FAM168A: variants seen among roughly 807,000 people sequenced by gnomAD.
The protein encoded by FAM168A is family with sequence similarity 168 member A.
Under a neutral mutation model 28.5 loss-of-function variants are expected in FAM168A, and 3 were observed. That is an observed-to-expected ratio of 0.11 (90% CI 0.05 to 0.27). FAM168A has a LOEUF of 0.27. FAM168A is among the 10% of genes least tolerant of loss of function. The pLI, the probability that FAM168A is intolerant of heterozygous loss-of-function variation, is 1.00. For synonymous variants in FAM168A, 122 were observed against 124.2 expected, an observed-to-expected ratio of 0.98 and a Z score of 0.12; for missense variants, 222 against 311.5, an observed-to-expected ratio of 0.71 and a Z score of 2.16.
rs1866895074 is a variant in FAM168A, at chr11:73,426,855, T to C, written c.151+3835A>G. Among the ~76,000 whole-genome samples the C allele has an allele frequency of 2.0e-5, 3 of 152,172 alleles. No individual in the cohort carries two copies. The South Asian group carries it at 6.2e-4, about 32-fold the overall frequency. On this transcript the variant is annotated intron_variant, in intron 3 of 7. Transcript: ENST00000356467. ...GCCTTTAAATACAATACTCTAACGC[T>C]ACCCTCTCTTATGGATTTTGTGTGT...
At chr11:73,408,303 T>C (rs1289445235) in intron 6 of FAM168A, among the ~76,000 whole-genome samples, 2 of 152,184 alleles carry the variant, frequency 1.3e-5, no homozygotes. Flanking sequence ...GATCTATTGA[T>C]ATTGGGTTCC....
At chr11:73,510,603 T>C (rs1044434653) in intron 1 of FAM168A, 1 of 266,852 alleles carries the variant, frequency 3.7e-6, no homozygotes, top group Non-Finnish European at 7.1e-6. Context: ...AGCTTTGATA[T>C]TCTGTGGAAA....
intron 1 of FAM168A, among the ~76,000 whole-genome samples, chr11:73,559,767 A>G (rs1943935794): frequency 6.6e-6 from 1 of 152,234 alleles, no homozygotes; most frequent in East Asian, 1.9e-4. Context: ...TTCACTTTAA[A>G]GTGGTTAATT....
At chr11:73,495,222 G>T (rs937518825) in intron 1 of FAM168A, among the ~76,000 whole-genome samples, 1 of 151,908 alleles carries the variant, frequency 6.6e-6, no homozygotes, top group Non-Finnish European at 1.5e-5. Context: ...CCAGCTACTC[G>T]GGAGGCTGAG....
chr11:73,444,261 C>G (rs1867258811), intron 2 of FAM168A, among the ~76,000 whole-genome samples: 1 of 152,212 alleles, frequency 6.6e-6, no homozygotes. Context: ...CCCACCCATG[C>G]CCTTTTCATT....
rs933621942 is a variant in FAM168A at position 73,401,936 on chromosome 11, C to G, written c.*4827G>C. 1 of 152,166 alleles carries G rather than the reference C, an allele frequency of 6.6e-6. No homozygotes were observed. Among genetic ancestry groups the G allele is most frequent in the East Asian group, 1.9e-4 (1 of 5,190 alleles). 9.4% of individuals were successfully genotyped at this position (152,166 alleles called of 1,614,324 possible). On this transcript the variant is annotated 3_prime_UTR_variant, in exon 8 of 8. Coordinates refer to ENST00000356467, the MANE Select transcript of FAM168A (RefSeq NM_015159.3). ...ACCATATAATGCCTAATTTCAGAAA[C>G]GAGGAGTTTTCTAGGAAAGGGGCAG...
chr11:73,499,277 C>G (rs890978937), intron 1 of FAM168A, among the ~76,000 whole-genome samples: 3 of 151,998 alleles, frequency 2.0e-5, no homozygotes, highest in African/African-American at 7.3e-5. Context: ...AGAAGAGGGA[C>G]CTGATTATTG....
In FAM168A at chr11:73,402,922, A is replaced by C. The variant is rs1366280355; in HGVS notation, c.*3841T>G. On this transcript the variant is annotated 3_prime_UTR_variant, in exon 8 of 8. Transcript: ENST00000356467. ...CTCAGAGACTGGGCTTCCCAGCTCT[A>C]TAAAGTACAGTTAGCCCCTCCCTCC... 6.6e-6 allele frequency: 1 copy of C among 152,212 alleles called. No homozygotes were observed. Among genetic ancestry groups the C allele is most frequent in the African/African-American group, 2.4e-5 (1 of 41,436 alleles). The allele number at this position is 152,212 out of a possible 1,614,324, so 9.4% of individuals were successfully genotyped here. A position where few individuals can be genotyped will look rare whatever the true frequency, so the allele number is the denominator to read the frequency against.
intron 1 of FAM168A, chr11:73,580,190 C>T: frequency 2.3e-6 from 1 of 444,026 alleles, no homozygotes; most frequent in Non-Finnish European, 4.4e-6. Context: ...CAACCAAAGC[C>T]TGTGCTCCGC....
chr11:73,568,668 G>A (rs542708004), intron 1 of FAM168A, among the ~76,000 whole-genome samples: 123 of 152,220 alleles, frequency 8.1e-4, no homozygotes, highest in African/African-American at 2.8e-3. Context: ...AGGCCAAGGC[G>A]GGCAGATCAC....
At chr11:73,548,677 G>T (rs979974976) in intron 1 of FAM168A, among the ~76,000 whole-genome samples, 27 of 152,050 alleles carry the variant, frequency 1.8e-4, no homozygotes, top group African/African-American at 6.3e-4. Flanking sequence ...GTCTTGCTCT[G>T]TCATCCACAC....
At chr11:73,454,396 T>C (rs932507920) in intron 2 of FAM168A, among the ~76,000 whole-genome samples, 1 of 152,212 alleles carries the variant, frequency 6.6e-6, no homozygotes, top group African/African-American at 2.4e-5. Context: ...AAGTGTCTCC[T>C]AGTTGTTAGT....
Position 73,514,020 on chromosome 11 carries a change from T to TA in FAM168A, c.-18-45529dup, listed in dbSNP as rs1049445138. Among the ~76,000 whole-genome samples, 4 of 151,568 alleles carry TA rather than the reference T, an allele frequency of 2.6e-5. No individual in the cohort carries two copies. The South Asian group carries it at 6.3e-4, about 24-fold the overall frequency. On this transcript the variant is annotated intron_variant, in intron 1 of 7. Transcript: ENST00000356467. ...GCAACATGGCAAAACCCTCTCTCTA[T>TA]AAAAAAATACAAAATTTAGCCCAGA...
chr11:73,454,672 G>C (rs375098466), intron 2 of FAM168A, among the ~76,000 whole-genome samples: 1 of 152,284 alleles, frequency 6.6e-6, no homozygotes, highest in East Asian at 1.9e-4. Flanking sequence ...ACCCCATCCT[G>C]TGCCTATAAA....
At chr11:73,568,813 T>C (rs1944052387) in intron 1 of FAM168A, among the ~76,000 whole-genome samples, 1 of 152,144 alleles carries the variant, frequency 6.6e-6, no homozygotes, top group South Asian at 2.1e-4. Context: ...GAGAATTGCT[T>C]GAACCCAGGA....
At position 73,419,393 on chromosome 11, in the gene FAM168A, A is replaced by C. The variant is rs186133044; in HGVS notation, c.277+481T>G. Among the ~76,000 whole-genome samples the C allele has an allele frequency of 1.2e-3, 177 of 152,280 alleles. 1 individual carries two copies. Among genetic ancestry groups the C allele is most frequent in the African/African-American group, 4.1e-3 (169 of 41,536 alleles). On this transcript the variant is annotated intron_variant, in intron 4 of 7. Transcript: ENST00000356467. Reference sequence around the variant, plus strand: ...AGAAACATTTTTGGTTGTCACAATGAGGCTTTCCTACTGGCATGTAGGGTA... The same window carrying C: ...AGAAACATTTTTGGTTGTCACAATGCGGCTTTCCTACTGGCATGTAGGGTA...
At chr11:73,555,642 C>T (rs375241732) in intron 1 of FAM168A, among the ~76,000 whole-genome samples, 1 of 150,006 alleles carries the variant, frequency 6.7e-6, no homozygotes, top group Non-Finnish European at 1.5e-5. Flanking sequence ...CGGGAGGCAG[C>T]GGTTGCAATG....
chr11:73,542,265 T>C (rs866960064), intron 1 of FAM168A, among the ~76,000 whole-genome samples: 3 of 152,230 alleles, frequency 2.0e-5, no homozygotes, highest in Non-Finnish European at 2.9e-5. Context: ...GGTTATCTAA[T>C]AACCATTGTA....
In FAM168A at chr11:73,401,079, G is replaced by GTTT. The variant is rs1352164559; in HGVS notation, c.*5681_*5683dup. 7 of 121,804 alleles carry GTTT rather than the reference G, an allele frequency of 5.7e-5. No individual in the cohort carries two copies. Among genetic ancestry groups the GTTT allele is most frequent in the South Asian group, 4.6e-4 (2 of 4,308 alleles). 7.5% of individuals were successfully genotyped at this position (121,804 alleles called of 1,614,324 possible). A position where few individuals can be genotyped will look rare whatever the true frequency, so the allele number is the denominator to read the frequency against. On this transcript the variant is annotated 3_prime_UTR_variant, in exon 8 of 8. Transcript: ENST00000356467. ...ACTACTTGGAAGACACTGGTCAAAG[G>GTTT]TTTATTATTATTATTATTATTATTA... is the stretch of plus-strand genomic sequence containing the variant.
Sources: gnomAD v4.1 joint callset for allele counts (sites outside exome capture counted in the v4.1 genomes callset) on GRCh38, gnomAD v4.1.1 for gene constraint, MANE v1.5 for transcripts, NCBI Gene and HGNC (gene_info 2026-07-23, HGNC 2026-07-21) for gene names.